The following MEF2A variants were observed in gnomAD, a reference collection of about 807,000 sequenced individuals.
The protein encoded by MEF2A is myocyte enhancer factor 2A.
MEF2A carries 28 observed loss-of-function variants against 55.8 expected under a neutral mutation model. The ratio of observed to expected loss-of-function variants is 0.50; its 90% CI spans 0.37 to 0.69. The LOEUF (loss-of-function observed/expected upper bound fraction) is 0.69. Among genes scored for constraint, MEF2A ranks in the 30% least tolerant of loss-of-function variants. The pLI, the probability that MEF2A is intolerant of heterozygous loss-of-function variation, is 0.00. For missense variants in MEF2A, 528 were observed against 626.2 expected, an observed-to-expected ratio of 0.84 and a Z score of 1.67; for synonymous variants, 239 against 227.1, an observed-to-expected ratio of 1.05 and a Z score of -0.47.
At chr15:99,700,864 G>T (rs1232628268) in intron 8 of MEF2A, among the ~76,000 whole-genome samples, 1 of 151,746 alleles carries the variant, frequency 6.6e-6, no homozygotes, top group Non-Finnish European at 1.5e-5. Flanking sequence ...TATAGCCCAG[G>T]GAATAAAAAA....
At position 99,712,981 on chromosome 15, in the gene MEF2A, G is replaced by T; in HGVS notation, c.*210G>T. On this transcript the variant is annotated 3_prime_UTR_variant, in exon 12 of 12. Coordinates refer to ENST00000557942, the MANE Select transcript of MEF2A (RefSeq NM_001319206.4). This position sits in a 1 kb window ranked among gnomAD's most constrained non-coding sequence, Gnocchi z 4.1. Reference sequence around the variant, plus strand: ...GCACTTACCTGCAAACTCCTTGTAGGTCTGCAGATGTGTGTCCCATGGCAG... The same window carrying T: ...GCACTTACCTGCAAACTCCTTGTAGTTCTGCAGATGTGTGTCCCATGGCAG... The T allele has an allele frequency of 1.7e-6, 1 of 600,700 alleles. No individual in the cohort carries two copies. Among genetic ancestry groups the T allele is most frequent in the East Asian group, 2.8e-5 (1 of 35,736 alleles). The allele number at this position is 600,700 out of a possible 1,614,324, so 37.2% of individuals were successfully genotyped here. A position where few individuals can be genotyped will look rare whatever the true frequency, so the allele number is the denominator to read the frequency against.
chr15:99,610,427 A>G (rs372320507), intron 2 of MEF2A, among the ~76,000 whole-genome samples: 31,537 of 67,658 alleles, frequency 0.47, 2,989 homozygotes, highest in Middle Eastern at 0.57. Context: ...CCCCCCCCCC[A>G]CCCCCCCCCG....
chr15:99,632,048 A>G (rs1015814996), intron 2 of MEF2A, among the ~76,000 whole-genome samples: 6 of 152,242 alleles, frequency 3.9e-5, no homozygotes, highest in African/African-American at 1.4e-4. Flanking sequence ...GTCTGAAAGC[A>G]CTAGGTTTTT....
intron 9 of MEF2A, among the ~76,000 whole-genome samples, chr15:99,705,509 C>T (rs2057929933): frequency 1.3e-5 from 2 of 152,136 alleles, no homozygotes; most frequent in African/African-American, 4.8e-5. Context: ...AAATTATTTT[C>T]CCAATGCCTA....
In MEF2A at chr15:99,671,782, A is replaced by C. The variant is rs2050917770; in HGVS notation, c.390+328A>C. ...TAGAAGGGAAGAAATGCATTTTATT[A>C]GTATTTTTTATAAAACTTCAAAATA... is the stretch of plus-strand genomic sequence containing the variant. On this transcript the variant is annotated intron_variant, in intron 5 of 11. Coordinates refer to ENST00000557942, the MANE Select transcript of MEF2A (RefSeq NM_001319206.4). 4.8e-5 allele frequency: 51 copies of C among 1,065,374 alleles called. 2 individuals are homozygous for C. The South Asian group carries it at 1.1e-3, about 23-fold the overall frequency. 66.0% of individuals were successfully genotyped at this position (1,065,374 alleles called of 1,614,324 possible).
At chr15:99,692,389 A>C (rs962533490) in intron 8 of MEF2A, among the ~76,000 whole-genome samples, 11 of 152,344 alleles carry the variant, frequency 7.2e-5, no homozygotes, top group Admixed American at 5.2e-4. Flanking sequence ...AATTAAAAAA[A>C]CTTGGATATA....
At chr15:99,573,577 T>G (rs1189358655) in intron 1 of MEF2A, among the ~76,000 whole-genome samples, 1 of 152,216 alleles carries the variant, frequency 6.6e-6, no homozygotes, top group Non-Finnish European at 1.5e-5. Context: ...TGTTGTTCAT[T>G]ACTAACCAAC....
At chr15:99,666,578 T>TATAATAATAATA (rs55855939) in intron 4 of MEF2A, among the ~76,000 whole-genome samples, 35,033 of 140,958 alleles carry the variant, frequency 0.25, 5,185 homozygotes, top group Middle Eastern at 0.36. Context: ...GAACTTAAAG[T>TATAATAATAATA]ATAATAATAA....
chr15:99,684,755 T>A (rs1002684165), intron 7 of MEF2A, among the ~76,000 whole-genome samples: 1 of 152,230 alleles, frequency 6.6e-6, no homozygotes, highest in African/African-American at 2.4e-5. Flanking sequence ...GGGTTCTTGA[T>A]CATGAACCCT....
chr15:99,669,003 G>A (rs188193239), intron 4 of MEF2A, among the ~76,000 whole-genome samples: 1 of 152,198 alleles, frequency 6.6e-6, no homozygotes, highest in Non-Finnish European at 1.5e-5. Flanking sequence ...CCCATCTGAA[G>A]TGAAGGCTTG....
intron 4 of MEF2A, among the ~76,000 whole-genome samples, chr15:99,668,329 T>C (rs955464378): frequency 6.6e-6 from 1 of 152,232 alleles, no homozygotes; most frequent in Non-Finnish European, 1.5e-5. Flanking sequence ...TTAATATTGA[T>C]CTTTATAGCA....
At chr15:99,672,458 A>G (rs1445314704) in intron 5 of MEF2A, among the ~76,000 whole-genome samples, 1 of 152,234 alleles carries the variant, frequency 6.6e-6, no homozygotes, top group Non-Finnish European at 1.5e-5. Flanking sequence ...CATTGGCAAG[A>G]GCTACTTAAA....
At chr15:99,628,806 C>G (rs1156601736) in intron 2 of MEF2A, among the ~76,000 whole-genome samples, 2 of 152,196 alleles carry the variant, frequency 1.3e-5, no homozygotes, top group Non-Finnish European at 1.5e-5. Context: ...TGAACCCTCT[C>G]AACCCTGTTC....
intron 2 of MEF2A, among the ~76,000 whole-genome samples, chr15:99,618,643 T>C (rs554442829): frequency 1.3e-5 from 2 of 152,292 alleles, no homozygotes; most frequent in South Asian, 2.1e-4. Context: ...TTCAGAATAA[T>C]ACATTTATTT....
At chr15:99,661,298 AATTTTGGAAAGG>A (rs2048585055) in intron 4 of MEF2A, among the ~76,000 whole-genome samples, 1 of 152,130 alleles carries the variant, frequency 6.6e-6, no homozygotes, top group Non-Finnish European at 1.5e-5. Flanking sequence ...ATATCTTCAT[AATTTTGGAAAGG>A]ATTTCTTATA....
intron 4 of MEF2A, among the ~76,000 whole-genome samples, chr15:99,661,624 G>A (rs1005913454): frequency 3.9e-5 from 6 of 152,050 alleles, no homozygotes; most frequent in African/African-American, 1.4e-4. Context: ...GTGGCCTATA[G>A]ATATGAAATG....
At position 99,613,269 on chromosome 15, in the gene MEF2A, A is replaced by G. The variant is rs183127284; in HGVS notation, c.-143+14758A>G. 1.3e-3 allele frequency among the ~76,000 whole-genome samples: 204 copies of G among 152,302 alleles called. 1 individual carries two copies. Among genetic ancestry groups the G allele is most frequent in the Middle Eastern group, 0.01 (3 of 294 alleles). Reference sequence around the variant, plus strand: ...TAGGGCAAGTTTGTGCATGCAGAGTATATGTTTTAGTTCCTCAGTTGAATC... The same window carrying G: ...TAGGGCAAGTTTGTGCATGCAGAGTGTATGTTTTAGTTCCTCAGTTGAATC... On this transcript the variant is annotated intron_variant, in intron 2 of 11. Transcript: ENST00000557942.
intron 8 of MEF2A, among the ~76,000 whole-genome samples, chr15:99,702,162 A>G (rs1296648979): frequency 6.6e-6 from 1 of 152,248 alleles, no homozygotes; most frequent in Non-Finnish European, 1.5e-5. Context: ...GTTGAATAGC[A>G]TCTTGCCCAC....
At chr15:99,580,494 G>A (rs1965615192) in intron 1 of MEF2A, among the ~76,000 whole-genome samples, 1 of 152,132 alleles carries the variant, frequency 6.6e-6, no homozygotes, top group African/African-American at 2.4e-5. Context: ...AACTTCCACT[G>A]GTAAGCTAGA....
Sources: gnomAD v4.1 joint callset for allele counts (sites outside exome capture counted in the v4.1 genomes callset) on GRCh38, gnomAD v4.1.1 for gene constraint, Gnocchi (gnomAD v3.1) non-coding constraint, MANE v1.5 for transcripts, NCBI Gene and HGNC (gene_info 2026-07-23, HGNC 2026-07-21) for gene names.